The following NRXN3 variants were observed in gnomAD, a reference collection of about 807,000 sequenced individuals.
The protein encoded by NRXN3 is neurexin III.
NRXN3 carries 32 observed loss-of-function variants against 137.6 expected under a neutral mutation model. The ratio of observed to expected loss-of-function variants is 0.23; its 90% CI spans 0.18 to 0.31. The LOEUF (loss-of-function observed/expected upper bound fraction) is 0.31. Ranked by LOEUF, NRXN3 falls within the 10% of genes least tolerant of loss-of-function variation. NRXN3 has a pLI of 1.00. For missense variants in NRXN3, 1,574 were observed against 2,062.5 expected, an observed-to-expected ratio of 0.76 and a Z score of 4.59; for synonymous variants, 798 against 784.5, an observed-to-expected ratio of 1.02 and a Z score of -0.29.
chr14:79,226,540 T>C (rs2070896017), intron 15 of NRXN3, among the ~76,000 whole-genome samples: 1 of 152,200 alleles, frequency 6.6e-6, no homozygotes, highest in African/African-American at 2.4e-5. Context: ...TAAGTTTTCC[T>C]TGCCTAATTC....
chr14:79,260,229 T>C (rs1200369587), intron 15 of NRXN3, among the ~76,000 whole-genome samples: 3 of 152,208 alleles, frequency 2.0e-5, no homozygotes, highest in Admixed American at 6.5e-5. Context: ...TCCATATCTA[T>C]AAATTATATT....
intron 10 of NRXN3, among the ~76,000 whole-genome samples, chr14:78,939,001 T>A (rs39894): frequency 2.6e-5 from 4 of 151,520 alleles, no homozygotes; most frequent in African/African-American, 4.9e-5. Flanking sequence ...GCCCGCCACC[T>A]CGCCCGGCTA....
intron 15 of NRXN3, among the ~76,000 whole-genome samples, chr14:79,385,585 T>C (rs1329284899): frequency 6.6e-6 from 1 of 152,106 alleles, no homozygotes; most frequent in Non-Finnish European, 1.5e-5. Context: ...AGGTGGGGCC[T>C]GGTGGGAGGT....
At chr14:79,474,664 C>T (rs745449323) in intron 16 of NRXN3, among the ~76,000 whole-genome samples, 7 of 152,046 alleles carry the variant, frequency 4.6e-5, no homozygotes, top group Admixed American at 6.6e-5. Flanking sequence ...TAATGCATTG[C>T]GCTTCTATTC....
Position 78,874,648 on chromosome 14 carries a change from C to T in NRXN3, c.2275+64304C>T, listed in dbSNP as rs556801026. Among the ~76,000 whole-genome samples the T allele has an allele frequency of 3.3e-5, 5 of 152,274 alleles. No homozygotes were observed. The South Asian group carries it at 1.0e-3, about 32-fold the overall frequency. The stretch of plus-strand genomic sequence containing the variant: ...AGTTGGCAGAGTGTCTTCCTTCTCC[C>T]AAGACAACATCCTCGTTTTCATTTT... On this transcript the variant is annotated intron_variant, in intron 10 of 20. Transcript: ENST00000335750.
chr14:78,563,255 A>G (rs968395540), intron 4 of NRXN3, among the ~76,000 whole-genome samples: 2 of 152,242 alleles, frequency 1.3e-5, no homozygotes, highest in East Asian at 3.8e-4. Context: ...AAAGCAAGGC[A>G]AAGGGCTCTC....
chr14:79,819,295 G>A (rs1463019146), intron 20 of NRXN3, among the ~76,000 whole-genome samples: 3 of 152,040 alleles, frequency 2.0e-5, no homozygotes, highest in Non-Finnish European at 4.4e-5. Flanking sequence ...CAGAGATGGA[G>A]CTGGATTTGG....
intron 19 of NRXN3, among the ~76,000 whole-genome samples, chr14:79,780,922 CA>C (rs2099111729): frequency 6.6e-6 from 1 of 152,060 alleles, no homozygotes; most frequent in African/African-American, 2.4e-5. Flanking sequence ...TCTACCATTT[CA>C]AAAAACCCTG....
At chr14:79,760,421 C>T (rs2099034372) in intron 19 of NRXN3, among the ~76,000 whole-genome samples, 1 of 138,300 alleles carries the variant, frequency 7.2e-6, no homozygotes, top group African/African-American at 2.7e-5. Context: ...ATAACTTAAC[C>T]TTTTTTTTTT....
At chr14:78,294,490 A>G (rs2076114609) in intron 3 of NRXN3, among the ~76,000 whole-genome samples, 1 of 146,226 alleles carries the variant, frequency 6.8e-6, no homozygotes, top group South Asian at 2.3e-4. Context: ...TGGGAGGCAG[A>G]GGTGGCAGTA....
rs79149736 is a variant in NRXN3, at chr14:79,640,276, G to T, written c.3445-23502G>T. Reference sequence around the variant, plus strand: ...AGATTGTTAGGATTGCTTGTATGTGGTTTTAAATGAATGAAGCTGTTTCTA... The same window carrying T: ...AGATTGTTAGGATTGCTTGTATGTGTTTTTAAATGAATGAAGCTGTTTCTA... On this transcript the variant is annotated intron_variant, in intron 16 of 20. Transcript: ENST00000335750. Among the ~76,000 whole-genome samples the T allele has an allele frequency of 1.5e-5, 2 of 135,156 alleles. 1 individual carries two copies. The highest frequency in any genetic ancestry group is 4.6e-4 in the South Asian group (2 of 4,314). The allele number at this position is 135,156 out of a possible 152,430, so 88.7% of individuals were successfully genotyped here.
chr14:78,295,364 T>C (rs566049221), intron 3 of NRXN3, among the ~76,000 whole-genome samples: 1 of 152,188 alleles, frequency 6.6e-6, no homozygotes, highest in Non-Finnish European at 1.5e-5. Flanking sequence ...AAGTTGAATA[T>C]GAACATTTTA....
intron 15 of NRXN3, among the ~76,000 whole-genome samples, chr14:79,408,162 G>A (rs1447784522): frequency 2.0e-5 from 3 of 152,104 alleles, no homozygotes; most frequent in Non-Finnish European, 2.9e-5. Flanking sequence ...CGGCATGTAA[G>A]GAGTGTCCAC....
chr14:79,805,304 G>A (rs761730551), intron 20 of NRXN3, 114 bp downstream of exon 20: 1 of 548,858 alleles, frequency 1.8e-6, no homozygotes, highest in Non-Finnish European at 3.1e-6. Context: ...GTGTTAATGT[G>A]TGTATATTTT....
Position 78,709,667 on chromosome 14 carries a change from C to T in NRXN3, c.1660+12C>T, listed in dbSNP as rs1567115906. 1.2e-6 allele frequency: 2 copies of T among 1,601,404 alleles called. No individual in the cohort carries two copies. Among genetic ancestry groups the T allele is most frequent in the Non-Finnish European group, 1.7e-6 (2 of 1,174,412 alleles). On this transcript the variant is annotated intron_variant, in intron 7 of 20. Transcript: ENST00000335750. ...AGATGGCAGATCAGGTAGGAAGAGG[C>T]AGGATGTGTGACTGAGACTAGACGA...
intron 15 of NRXN3, among the ~76,000 whole-genome samples, chr14:79,066,027 G>T (rs2152688999): frequency 6.6e-6 from 1 of 152,120 alleles, no homozygotes; most frequent in South Asian, 2.1e-4. Flanking sequence ...TTCTGCTTTG[G>T]TTGCAATTGC....
intron 4 of NRXN3, among the ~76,000 whole-genome samples, chr14:78,349,923 C>T (rs1322705688): frequency 6.6e-6 from 1 of 152,166 alleles, no homozygotes; most frequent in South Asian, 2.1e-4. Context: ...ACACCTAGCT[C>T]CTGCCAACTT....
chr14:78,214,510 G>C (rs558550381), intron 1 of NRXN3, among the ~76,000 whole-genome samples: 1 of 152,136 alleles, frequency 6.6e-6, no homozygotes, highest in Non-Finnish European at 1.5e-5. Flanking sequence ...GGCTACCTCT[G>C]TCTTTGCTGA....
At chr14:79,160,795 G>A (rs2060699171) in intron 15 of NRXN3, among the ~76,000 whole-genome samples, 1 of 151,982 alleles carries the variant, frequency 6.6e-6, no homozygotes, top group Non-Finnish European at 1.5e-5. Context: ...GCACATGGTG[G>A]TAGGCTGTTG....
Sources: allele counts gnomAD v4.1 joint callset (sites outside exome capture counted in the v4.1 genomes callset), GRCh38; gene constraint gnomAD v4.1.1; transcripts MANE v1.5; gene names NCBI Gene and HGNC (gene_info 2026-07-23, HGNC 2026-07-21).